The following GABRA3 variants were observed in gnomAD, a reference collection of about 807,000 sequenced individuals.
GABRA3 encodes the protein gamma-aminobutyric acid receptor subunit alpha-3.
GABRA3 carries 10 observed loss-of-function variants against 30.1 expected under a neutral mutation model. The ratio of observed to expected loss-of-function variants is 0.33; its 90% confidence interval spans 0.20 to 0.56. The LOEUF (loss-of-function observed/expected upper bound fraction) is 0.56. GABRA3 is among the 20% of genes least tolerant of loss of function. The pLI, the probability that GABRA3 is intolerant of heterozygous loss-of-function variation, is 0.89. For synonymous variants in GABRA3, 151 were observed against 146.8 expected (o/e 1.03, Z -0.21); for missense variants, 233 against 392.0 (o/e 0.59, Z 3.42).
intron 1 of GABRA3, among the ~76,000 whole-genome samples, chrX:152,389,923 T>TAA (rs370355585): frequency 0.022 from 2,358 of 108,706 alleles, 32 homozygotes; most frequent in South Asian, 0.056. Context: ...TGGTAAATGA[T>TAA]AAAAAAAAAT....
intron 5 of GABRA3, among the ~76,000 whole-genome samples, chrX:152,240,971 G>A (rs1421641998): frequency 5.7e-4 from 58 of 102,221 alleles, no homozygotes; most frequent in Non-Finnish European, 9.6e-4. Flanking sequence ...TAATTTGATC[G>A]TCTGAAGCCT....
chrX:152,317,460 A>G (rs896322468), intron 3 of GABRA3, among the ~76,000 whole-genome samples: 3 of 111,911 alleles, frequency 2.7e-5, no homozygotes, highest in South Asian at 7.4e-4. Flanking sequence ...TACCCAAGAA[A>G]AAATGGACTT....
chrX:152,333,419 A>G (rs1940190794), intron 3 of GABRA3, among the ~76,000 whole-genome samples: 1 of 112,128 alleles, frequency 8.9e-6, no homozygotes, highest in Non-Finnish European at 1.9e-5. Context: ...CACTGAAATA[A>G]GAAACAAAAC....
At chrX:152,380,332 C>T (rs908257730) in intron 1 of GABRA3, among the ~76,000 whole-genome samples, 9 of 111,853 alleles carry the variant, frequency 8.0e-5, no homozygotes, top group Admixed American at 1.9e-4. Context: ...TTAGATTTCA[C>T]ATAAAAGAGA....
chrX:152,262,276 C>T (rs1465424322), intron 4 of GABRA3, among the ~76,000 whole-genome samples: 1 of 112,703 alleles, frequency 8.9e-6, no homozygotes, highest in East Asian at 2.8e-4. Context: ...TACCCATTGT[C>T]TTGGTAAATA....
chrX:152,386,620 TGGCG>T (rs1929321272), intron 1 of GABRA3, among the ~76,000 whole-genome samples: 5 of 107,121 alleles, frequency 4.7e-5, no homozygotes, highest in African/African-American at 1.0e-4. Context: ...CCAGTTAGAA[TGGCG>T]ATCATTAAAA....
intron 4 of GABRA3, among the ~76,000 whole-genome samples, chrX:152,263,130 A>G (rs1388579263): frequency 9.0e-6 from 1 of 110,989 alleles, no homozygotes; most frequent in Non-Finnish European, 1.9e-5. Flanking sequence ...CCATGATTCA[A>G]TTACCTCCAA....
chrX:152,275,004 G>A (rs772240004), intron 4 of GABRA3, among the ~76,000 whole-genome samples: 1 of 99,299 alleles, frequency 1.0e-5, no homozygotes, highest in Admixed American at 1.2e-4. Context: ...CTACTTTGGG[G>A]TGTGTGTGTG....
At chrX:152,207,805 T>C (rs1212980376) in intron 7 of GABRA3, among the ~76,000 whole-genome samples, 196 bp downstream of exon 7, 1 of 112,057 alleles carries the variant, frequency 8.9e-6, no homozygotes, top group Non-Finnish European at 1.9e-5. Flanking sequence ...CTGACAAGTG[T>C]TCATTTTCGT....
chrX:152,368,476 T>C (rs1928719058), intron 1 of GABRA3, among the ~76,000 whole-genome samples: 1 of 111,104 alleles, frequency 9.0e-6, no homozygotes, highest in Non-Finnish European at 1.9e-5. Flanking sequence ...GATTTCACTG[T>C]TTTTGAAGGC....
chrX:152,328,828 T>C (rs772313524), intron 3 of GABRA3, among the ~76,000 whole-genome samples: 24 of 111,545 alleles, frequency 2.2e-4, no homozygotes, highest in African/African-American at 6.5e-4. Flanking sequence ...CTATTCAACA[T>C]AGTGTTGGAA....
intron 6 of GABRA3, among the ~76,000 whole-genome samples, chrX:152,213,821 CAT>C (rs1937667327): frequency 8.9e-6 from 1 of 111,870 alleles, no homozygotes; most frequent in South Asian, 3.8e-4. Flanking sequence ...TTCTCAGCAC[CAT>C]ATGTTGAAGA....
chrX:152,418,025 T>TA (rs764752857), intron 1 of GABRA3, among the ~76,000 whole-genome samples: 14 of 98,577 alleles, frequency 1.4e-4, no homozygotes, highest in African/African-American at 3.4e-4. Flanking sequence ...TAATGTATAA[T>TA]AAAAAAAAGA....
At chrX:152,347,542 G>A (rs1214851317) in intron 2 of GABRA3, among the ~76,000 whole-genome samples, 1 of 111,407 alleles carries the variant, frequency 9.0e-6, no homozygotes, top group African/African-American at 3.3e-5. Context: ...TCTCCATGAT[G>A]TGATTATTTC....
At chrX:152,231,953 C>T (rs950288099) in intron 5 of GABRA3, among the ~76,000 whole-genome samples, 9 of 111,328 alleles carry the variant, frequency 8.1e-5, no homozygotes, top group African/African-American at 2.3e-4. Flanking sequence ...CCAAGAAAGA[C>T]GAATCTATAG....
chrX:152,308,054 T>C (rs1939746224), intron 3 of GABRA3, among the ~76,000 whole-genome samples: 1 of 112,747 alleles, frequency 8.9e-6, no homozygotes, highest in Non-Finnish European at 1.9e-5. Context: ...CAGGGACATC[T>C]TGCCTATAGG....
At chrX:152,225,509 A>G (rs1364200643) in intron 5 of GABRA3, among the ~76,000 whole-genome samples, 1 of 109,199 alleles carries the variant, frequency 9.2e-6, no homozygotes, top group Non-Finnish European at 1.9e-5. Flanking sequence ...GACATCGGAA[A>G]CCTCAGAGGT....
chrX:152,225,683 T>A (rs1225745525), intron 5 of GABRA3, among the ~76,000 whole-genome samples: 3 of 110,030 alleles, frequency 2.7e-5, no homozygotes, highest in Non-Finnish European at 5.7e-5. Context: ...TTCTGATTTT[T>A]TTTTTTTTAT....
intron 1 of GABRA3, among the ~76,000 whole-genome samples, chrX:152,372,717 C>T (rs1483929363): frequency 8.9e-6 from 1 of 111,986 alleles, no homozygotes; most frequent in African/African-American, 3.2e-5. Context: ...TTTCCTAAAA[C>T]CTTTCCCCCA....
Sources: allele counts gnomAD v4.1 joint callset (sites outside exome capture counted in the v4.1 genomes callset), GRCh38; gene constraint gnomAD v4.1.1; transcripts MANE v1.5; gene names NCBI Gene and HGNC (gene_info 2026-07-23, HGNC 2026-07-21).